ZNF536: variants seen among roughly 807,000 people sequenced by gnomAD.
The protein encoded by ZNF536 is zinc finger protein 536.
A neutral mutation model predicts 84.5 loss-of-function variants in ZNF536; 13 were observed. The observed-to-expected ratio is 0.15, with a 90% CI of 0.10 to 0.24. The LOEUF (loss-of-function observed/expected upper bound fraction) is 0.24. Ranked by LOEUF, ZNF536 falls within the 10% of genes least tolerant of loss-of-function variation. The pLI, the probability that ZNF536 is intolerant of heterozygous loss-of-function variation, is 1.00. For missense variants in ZNF536, 1,536 were observed against 1,747.5 expected (o/e 0.88, Z 2.16); for synonymous variants, 811 against 742.5 (o/e 1.09, Z -1.50).
intron 1 of ZNF536, among the ~76,000 whole-genome samples, chr19:30,245,165 C>G (rs559226786): frequency 6.6e-6 from 1 of 152,218 alleles, no homozygotes; most frequent in East Asian, 1.9e-4. Flanking sequence ...CCCCCTCATC[C>G]TCACCTTTTA....
At chr19:30,449,964 C>A (rs144656415) in intron 2 of ZNF536, among the ~76,000 whole-genome samples, 1 of 152,056 alleles carries the variant, frequency 6.6e-6, no homozygotes, top group Non-Finnish European at 1.5e-5. Flanking sequence ...CCTCCCTGCC[C>A]CCGTTCACGA....
At chr19:30,421,893 C>T (rs1057368738) in intron 1 of ZNF536, among the ~76,000 whole-genome samples, 7 of 152,200 alleles carry the variant, frequency 4.6e-5, no homozygotes, top group Admixed American at 4.6e-4. Flanking sequence ...TAACATTGTT[C>T]TCTTTTTATT....
intron 1 of ZNF536, among the ~76,000 whole-genome samples, chr19:30,700,673 C>T (rs1361036535): frequency 6.6e-6 from 1 of 152,178 alleles, no homozygotes; most frequent in African/African-American, 2.4e-5. Context: ...AGGCCTGAGC[C>T]TCCCGTGGCC....
At chr19:30,659,953 GTGTGTGTGTGT>G (rs2050064622) in intron 1 of ZNF536, among the ~76,000 whole-genome samples, 1 of 115,376 alleles carries the variant, frequency 8.7e-6, no homozygotes, top group African/African-American at 3.2e-5. Context: ...TGACACAAGG[GTGTGTGTGTGT>G]GTGTGTGTGT....
At chr19:30,705,726 A>G (rs940043311) in intron 1 of ZNF536, among the ~76,000 whole-genome samples, 12 of 152,236 alleles carry the variant, frequency 7.9e-5, no homozygotes, top group African/African-American at 2.4e-5. Flanking sequence ...CTGCAAGATC[A>G]GGATTTATTA....
intron 2 of ZNF536, among the ~76,000 whole-genome samples, chr19:30,471,072 C>G (rs1452008751): frequency 6.6e-6 from 1 of 151,790 alleles, no homozygotes; most frequent in Non-Finnish European, 1.5e-5. Context: ...CCTCCCACCT[C>G]GTCCTCCCAA....
intron 1 of ZNF536, among the ~76,000 whole-genome samples, chr19:30,593,311 A>G (rs1291669308): frequency 6.6e-6 from 1 of 152,012 alleles, no homozygotes; most frequent in East Asian, 1.9e-4. Context: ...TGAGGGAGGA[A>G]CCTCATGAGG....
At chr19:30,512,955 T>A (rs1239744261) in intron 2 of ZNF536, among the ~76,000 whole-genome samples, 1 of 152,218 alleles carries the variant, frequency 6.6e-6, no homozygotes, top group African/African-American at 2.4e-5. Flanking sequence ...GTTATGTTGC[T>A]CTGGAGTAAG....
chr19:30,286,456 G>T (rs1213570873), intron 2 of ZNF536, among the ~76,000 whole-genome samples: 2 of 151,942 alleles, frequency 1.3e-5, no homozygotes, highest in Admixed American at 1.3e-4. Context: ...GCTAGAGGGT[G>T]GGGGAGCAAG....
At chr19:30,236,863 C>T (rs2023564209) in intron 1 of ZNF536, among the ~76,000 whole-genome samples, 1 of 152,136 alleles carries the variant, frequency 6.6e-6, no homozygotes. Flanking sequence ...CATGTTTGTT[C>T]TTTGGCGATG....
At chr19:30,549,575 A>G (rs980078191) in intron 4 of ZNF536, 61 bp downstream of exon 4, 6 of 1,420,292 alleles carry the variant, frequency 4.2e-6, no homozygotes, top group Non-Finnish European at 5.5e-6. Context: ...TGAATTGTGC[A>G]TTTAAAAAAA....
At chr19:30,639,040 C>T (rs2049172843) in intron 1 of ZNF536, among the ~76,000 whole-genome samples, 1 of 152,174 alleles carries the variant, frequency 6.6e-6, no homozygotes, top group Admixed American at 6.5e-5. Flanking sequence ...AACTCTAGAA[C>T]TCAATATTTG....
In ZNF536 at chr19:30,338,123, A is replaced by T. The variant is rs559311489; in HGVS notation, c.-119-14245A>T. Among the ~76,000 whole-genome samples the T allele has an allele frequency of 6.6e-5, 10 of 151,656 alleles. No individual in the cohort carries two copies. The South Asian group carries it at 2.1e-3, about 32-fold the overall frequency. ...GATGGTGATTGTGATTATGATGATG[A>T]TGATGGTGATGATGGTGATGATTGT... is the stretch of plus-strand genomic sequence containing the variant. On this transcript the variant is annotated intron_variant, in intron 2 of 5. Coordinates refer to the ZNF536 transcript ENST00000585628.
At chr19:30,227,596 GCA>G (rs1237935345), upstream of ZNF536, among the ~76,000 whole-genome samples, 1 of 152,088 alleles carries the variant, frequency 6.6e-6, no homozygotes, top group Non-Finnish European at 1.5e-5. Context: ...CGGGGCTCGG[GCA>G]CCCGGTGCGT....
At chr19:30,350,907 C>T (rs1361273826) in intron 2 of ZNF536, among the ~76,000 whole-genome samples, 1 of 152,190 alleles carries the variant, frequency 6.6e-6, no homozygotes, top group Non-Finnish European at 1.5e-5. Flanking sequence ...CATACTTATC[C>T]TCCAAGTCTC....
intron 2 of ZNF536, among the ~76,000 whole-genome samples, chr19:30,505,895 A>G (rs1036461760): frequency 2.4e-4 from 36 of 152,106 alleles, no homozygotes; most frequent in African/African-American, 8.2e-4. Flanking sequence ...CAAACCCTTG[A>G]CCTGAGGTGA....
At chr19:30,591,398 G>A (rs2047273113) in intron 1 of ZNF536, among the ~76,000 whole-genome samples, 1 of 152,180 alleles carries the variant, frequency 6.6e-6, no homozygotes, top group African/African-American at 2.4e-5. Flanking sequence ...CACAATCATG[G>A]CAGAAGGCAA....
In ZNF536 at chr19:30,486,523, C is replaced by A. The variant is rs2144996282; in HGVS notation, c.2170+40791C>A. On this transcript the variant is annotated intron_variant, in intron 2 of 4. Transcript: ENST00000355537. ...TCATTGATGGGCATTTAGGTTGATT[C>A]CATGTCTTTGCTATTGTGAATAGTG... Among the ~76,000 whole-genome samples the A allele has an allele frequency of 2.0e-5, 3 of 152,262 alleles. No individual in the cohort carries two copies. The East Asian group carries it at 5.8e-4, about 29-fold the overall frequency.
rs192416500 is a variant in ZNF536, at chr19:30,392,691, A to G, written c.-3+20135A>G. Among the ~76,000 whole-genome samples the G allele has an allele frequency of 1.4e-4, 21 of 152,322 alleles. No individual in the cohort carries two copies. The East Asian group carries it at 4.1e-3, about 29-fold the overall frequency. The stretch of plus-strand genomic sequence containing the variant: ...TTAAGCTCCCAAACAAAGAGTTATG[A>G]GTGCTGTTTTATTTCTAGAGATGAA... On this transcript the variant is annotated intron_variant, in intron 1 of 4. Coordinates refer to ENST00000355537, the MANE Select transcript of ZNF536 (RefSeq NM_014717.3).
Sources: allele counts gnomAD v4.1 joint callset (sites outside exome capture counted in the v4.1 genomes callset), GRCh38; gene constraint gnomAD v4.1.1; transcripts MANE v1.5; gene names NCBI Gene and HGNC (gene_info 2026-07-23, HGNC 2026-07-21).